Variants in ARHGAP24 observed in about 807,000 individuals in gnomAD.
The protein encoded by ARHGAP24 is Rho GTPase activating protein 24.
Under a neutral mutation model 76.4 loss-of-function variants are expected in ARHGAP24, and 50 were observed. That is an observed-to-expected ratio of 0.65 (90% CI 0.52 to 0.83). The LOEUF is 0.83. Ranked by LOEUF, ARHGAP24 falls within the 40% of genes least tolerant of loss-of-function variation. The probability of loss-of-function intolerance (pLI) is 0.00; values close to 1 mark genes in which losing one functional copy is unlikely to be tolerated. For missense variants in ARHGAP24, 930 were observed against 914.2 expected (o/e 1.02, Z -0.22); for synonymous variants, 345 against 323.3 (o/e 1.07, Z -0.72).
chr4:85,682,962 C>T (rs1013070034), intron 2 of ARHGAP24, among the ~76,000 whole-genome samples: 3 of 152,024 alleles, frequency 2.0e-5, no homozygotes, highest in African/African-American at 7.2e-5. Context: ...AATGATCTTT[C>T]TTTTGACTTT....
At chr4:85,583,471 C>A (rs576416395) in intron 2 of ARHGAP24, among the ~76,000 whole-genome samples, 1 of 152,112 alleles carries the variant, frequency 6.6e-6, no homozygotes, top group South Asian at 2.1e-4. Flanking sequence ...AAACGTTAGA[C>A]CTAAAACCAT....
intron 2 of ARHGAP24, among the ~76,000 whole-genome samples, chr4:85,622,830 C>T (rs1720771112): frequency 1.3e-5 from 2 of 152,312 alleles, no homozygotes; most frequent in Admixed American, 1.3e-4. Context: ...TTTTGATTTG[C>T]ATTTTTCTGA....
At chr4:85,828,424 G>T (rs1272165914) in intron 3 of ARHGAP24, among the ~76,000 whole-genome samples, 1 of 151,934 alleles carries the variant, frequency 6.6e-6, no homozygotes, top group African/African-American at 2.4e-5. Flanking sequence ...CTTAGGATTT[G>T]ATCTGTTGAC....
intron 3 of ARHGAP24, among the ~76,000 whole-genome samples, chr4:85,833,436 C>T (rs1020355905): frequency 6.6e-6 from 1 of 152,164 alleles, no homozygotes; most frequent in Admixed American, 6.5e-5. Context: ...TGGGATTCCT[C>T]CCCTCCCATG....
At chr4:85,592,361 T>A in intron 2 of ARHGAP24, among the ~76,000 whole-genome samples, 1 of 152,230 alleles carries the variant, frequency 6.6e-6, no homozygotes, top group East Asian at 1.9e-4. Context: ...ATTATTAGAT[T>A]TGTCTCTATT....
intron 9 of ARHGAP24, among the ~76,000 whole-genome samples, chr4:85,996,197 T>C (rs761050343): frequency 5.8e-4 from 88 of 152,124 alleles, no homozygotes; most frequent in Non-Finnish European, 2.9e-4. Context: ...AAGAGCCAGG[T>C]GACATAGGGG....
chr4:85,574,012 T>A (rs1203834135), intron 2 of ARHGAP24, among the ~76,000 whole-genome samples: 1 of 152,214 alleles, frequency 6.6e-6, no homozygotes, highest in Non-Finnish European at 1.5e-5. Context: ...GGAGAAAATA[T>A]CATGAGTAAA....
intron 4 of ARHGAP24, chr4:85,930,683 A>G (rs1484370038): frequency 1.2e-5 from 14 of 1,125,162 alleles, no homozygotes; most frequent in Non-Finnish European, 1.3e-5. Context: ...TAAAAAAAAG[A>G]AAAAAAAAAC....
chr4:85,889,130 G>A (rs908330886), intron 3 of ARHGAP24, among the ~76,000 whole-genome samples: 1 of 152,056 alleles, frequency 6.6e-6, no homozygotes. Context: ...AAACTTATTG[G>A]GTATTTGTTT....
chr4:85,676,766 G>T (rs1722994282), intron 2 of ARHGAP24, among the ~76,000 whole-genome samples: 1 of 152,176 alleles, frequency 6.6e-6, no homozygotes, highest in Non-Finnish European at 1.5e-5. Context: ...TCAAAGACTT[G>T]CAGAGACACG....
intron 3 of ARHGAP24, among the ~76,000 whole-genome samples, chr4:85,896,711 A>G (rs1033963518): frequency 6.6e-6 from 1 of 152,050 alleles, no homozygotes; most frequent in African/African-American, 2.4e-5. Context: ...TTGCATTTCA[A>G]TTGTCCTCTC....
intron 8 of ARHGAP24, among the ~76,000 whole-genome samples, chr4:85,994,009 G>A (rs1740494146): frequency 1.3e-5 from 2 of 152,130 alleles, no homozygotes; most frequent in Admixed American, 1.3e-4. Context: ...ATGCCCTGAA[G>A]TTTTTGAATG....
intron 1 of ARHGAP24, among the ~76,000 whole-genome samples, chr4:85,501,238 C>T (rs1224408054): frequency 6.6e-6 from 1 of 152,130 alleles, no homozygotes; most frequent in Non-Finnish European, 1.5e-5. Flanking sequence ...GGGTATACAC[C>T]TGGTAATGGG....
chr4:85,636,997 G>A (rs1002045038), intron 2 of ARHGAP24, among the ~76,000 whole-genome samples: 4 of 151,954 alleles, frequency 2.6e-5, no homozygotes, highest in South Asian at 2.1e-4. Context: ...CCAAAGTGTC[G>A]CATTCATGGA....
intron 2 of ARHGAP24, among the ~76,000 whole-genome samples, chr4:85,719,281 G>A (rs1356680470): frequency 1.3e-5 from 2 of 152,064 alleles, no homozygotes; most frequent in Non-Finnish European, 2.9e-5. Context: ...GGGATCTATA[G>A]GCCAGAGAAA....
intron 3 of ARHGAP24, among the ~76,000 whole-genome samples, chr4:85,911,037 G>A (rs187147073): frequency 1.4e-4 from 22 of 152,298 alleles, no homozygotes; most frequent in Non-Finnish European, 2.6e-4. Context: ...AGGCATTTCC[G>A]AGCCTGTGAG....
At chr4:85,624,411 C>A (rs1036292766) in intron 2 of ARHGAP24, among the ~76,000 whole-genome samples, 1 of 152,210 alleles carries the variant, frequency 6.6e-6, no homozygotes, top group South Asian at 2.1e-4. Flanking sequence ...TATGTTGAAC[C>A]AGCCTTGCAT....
chr4:85,563,960 G>A (rs566953092), intron 1 of ARHGAP24, among the ~76,000 whole-genome samples: 1 of 152,288 alleles, frequency 6.6e-6, no homozygotes, highest in South Asian at 2.1e-4. Context: ...CACAGCTACA[G>A]TTATTGAGGA....
chr4:85,945,608 A>C (rs1251382470), intron 5 of ARHGAP24, among the ~76,000 whole-genome samples: 1 of 151,866 alleles, frequency 6.6e-6, no homozygotes, highest in Non-Finnish European at 1.5e-5. Flanking sequence ...AAAAATACAA[A>C]AATTAGCCAG....
Sources: allele counts gnomAD v4.1 joint callset (sites outside exome capture counted in the v4.1 genomes callset), GRCh38; gene constraint gnomAD v4.1.1; transcripts MANE v1.5; gene names NCBI Gene and HGNC (gene_info 2026-07-23, HGNC 2026-07-21).